Variants in PIEZO2 observed in about 807,000 individuals in gnomAD.
The protein encoded by PIEZO2 is piezo type mechanosensitive ion channel component 2, also known as piezo-type mechanosensitive ion channel component 2.
Under a neutral mutation model 337.3 loss-of-function variants are expected in PIEZO2, and 172 were observed. That is an observed-to-expected ratio of 0.51 (90% CI 0.45 to 0.58). The LOEUF (loss-of-function observed/expected upper bound fraction) is 0.58, where lower values mean the gene tolerates loss of function less well. Among genes scored for constraint, PIEZO2 ranks in the 20% least tolerant of loss-of-function variants. The pLI, the probability that PIEZO2 is intolerant of heterozygous loss-of-function variation, is 0.00. For missense variants in PIEZO2, 3,028 were observed against 3,391.3 expected (o/e 0.89, Z 2.66); for synonymous variants, 1,251 against 1,228.5 (o/e 1.02, Z -0.38).
intron 2 of PIEZO2, among the ~76,000 whole-genome samples, chr18:11,029,551 A>G (rs568050629): frequency 1.3e-5 from 2 of 152,224 alleles, no homozygotes; most frequent in South Asian, 4.1e-4. Context: ...CTATTCTCCT[A>G]CTTAAAGTCT....
Position 10,795,351 on chromosome 18 carries a change from A to ATTTTATTTTATTATTTTATT in PIEZO2, c.1528-350_1528-349insAATAAAATAATAAAATAAAA, listed in dbSNP as rs1555648418. 1.8e-3 allele frequency among the ~76,000 whole-genome samples: 37 copies of ATTTTATTTTATTATTTTATT among 20,436 alleles called. No individual in the cohort carries two copies. The highest frequency in any genetic ancestry group is 4.8e-3 in the African/African-American group (34 of 7,068). The allele number at this position is 20,436 out of a possible 152,430, so 13.4% of individuals were successfully genotyped here. On this transcript the variant is annotated intron_variant, in intron 12 of 55. Transcript: ENST00000674853. The surrounding 1 kb of genome is among the most constrained non-coding windows in gnomAD (Gnocchi z 4.4). ...ATTTTATTTTATTTTATTTTATTTT[A>ATTTTATTTTATTATTTTATT]TTATTTTATTTTATTTTATTTTATT...
chr18:11,143,639 A>ACACACACACT lies in PIEZO2; in HGVS notation c.64+4885_64+4886insAGTGTGTGTG, dbSNP rs1473731967. On this transcript the variant is annotated intron_variant, in intron 1 of 55. Coordinates refer to ENST00000674853, the MANE Select transcript of PIEZO2 (RefSeq NM_001378183.1). This position sits in a 1 kb window ranked among gnomAD's most constrained non-coding sequence, Gnocchi z 4.9. Reference sequence around the variant, plus strand: ...CACACACACACACACACACACACACACTCTCTCTCTCTCTCTCTCTCTCTC... The same window carrying ACACACACACT: ...CACACACACACACACACACACACACACACACACACTCTCTCTCTCTCTCTCTCTCTCTCTC... Among the ~76,000 whole-genome samples, 1 of 92,804 alleles carries ACACACACACT rather than the reference A, an allele frequency of 1.1e-5. No homozygotes were observed. Among genetic ancestry groups the ACACACACACT allele is most frequent in the African/African-American group, 5.3e-5 (1 of 18,758 alleles). 60.9% of individuals were successfully genotyped at this position (92,804 alleles called of 152,430 possible). A position where few individuals can be genotyped will look rare whatever the true frequency, so the allele number is the denominator to read the frequency against.
Position 10,726,440 on chromosome 18 carries a change from G to C in PIEZO2, c.5029+4967C>G, listed in dbSNP as rs1402709162. 1 of 1,529,886 alleles carries C rather than the reference G, an allele frequency of 6.5e-7. No homozygotes were observed. The highest frequency in any genetic ancestry group is 8.7e-7 in the Non-Finnish European group (1 of 1,145,054). 94.8% of individuals were successfully genotyped at this position (1,529,886 alleles called of 1,614,324 possible). Reference sequence around the variant, plus strand: ...ACGCGGAGGGCCGGCTGCGGTACGGGCTACGGCCGGCGAACCCCACGAGGA... The same window carrying C: ...ACGCGGAGGGCCGGCTGCGGTACGGCCTACGGCCGGCGAACCCCACGAGGA... On this transcript the variant is annotated intron_variant, in intron 36 of 55. Coordinates refer to ENST00000674853, the MANE Select transcript of PIEZO2 (RefSeq NM_001378183.1). The surrounding 1 kb of genome is among the most constrained non-coding windows in gnomAD (Gnocchi z 5.9).
intron 37 of PIEZO2, 28 bp downstream of exon 37, chr18:10,718,172 C>G: frequency 6.6e-7 from 1 of 1,522,610 alleles, no homozygotes; most frequent in Non-Finnish European, 8.8e-7. Context: ...AAAGTTCCCA[C>G]AGCTCATATT....
intron 2 of PIEZO2, among the ~76,000 whole-genome samples, chr18:11,052,487 A>C (rs2037566084): frequency 6.6e-6 from 1 of 152,202 alleles, no homozygotes; most frequent in African/African-American, 2.4e-5. Context: ...ATAAGGAGTC[A>C]CCTTTGAACC....
At chr18:10,844,705 C>T (rs903353619) in intron 7 of PIEZO2, among the ~76,000 whole-genome samples, 1 of 149,358 alleles carries the variant, frequency 6.7e-6, no homozygotes, top group Non-Finnish European at 1.5e-5. Context: ...AGGAGAATGG[C>T]GTGAACCTGG....
At chr18:10,958,742 C>T (rs1052627311) in intron 3 of PIEZO2, among the ~76,000 whole-genome samples, 5 of 152,082 alleles carry the variant, frequency 3.3e-5, no homozygotes, top group African/African-American at 9.7e-5. Flanking sequence ...GCTACTTTTC[C>T]CAGAAATGCA....
At position 11,048,151 on chromosome 18, in the gene PIEZO2, G is replaced by A. The variant is rs539686019; in HGVS notation, c.160+17976C>T. Among the ~76,000 whole-genome samples, 1 of 152,274 alleles carries A rather than the reference G, an allele frequency of 6.6e-6. No individual in the cohort carries two copies. The highest frequency in any genetic ancestry group is 2.1e-4 in the South Asian group (1 of 4,834). On this transcript the variant is annotated intron_variant, in intron 2 of 55. Coordinates refer to ENST00000674853, the MANE Select transcript of PIEZO2 (RefSeq NM_001378183.1). This position sits in a 1 kb window ranked among gnomAD's most constrained non-coding sequence, Gnocchi z 4.5. ...TGAAAGCCCCTGCTCCTGACTGCCC[G>A]AGGAGACTATTAGTGACTTTCCCCA...
chr18:11,066,562 C>T (rs989504736), intron 1 of PIEZO2, among the ~76,000 whole-genome samples: 1 of 152,158 alleles, frequency 6.6e-6, no homozygotes, highest in Non-Finnish European at 1.5e-5. Context: ...ACACCAAACA[C>T]ATAAAATGTT....
At position 10,692,927 on chromosome 18, in the gene PIEZO2, G is replaced by A. The variant is rs142201874; in HGVS notation, c.7191-1544C>T. 9.7e-3 allele frequency among the ~76,000 whole-genome samples: 1,483 copies of A among 152,188 alleles called. 19 individuals carry two copies. Among genetic ancestry groups the A allele is most frequent in the African/African-American group, 0.033 (1,377 of 41,502 alleles). ...CTTGCTGGGAATTTTGATGTGCACC[G>A]TGGTCAATCTATAGATCAATTTGGG... is the stretch of plus-strand genomic sequence containing the variant. On this transcript the variant is annotated intron_variant, in intron 47 of 55. Transcript: ENST00000674853.
In PIEZO2 at chr18:10,814,237, A is replaced by G. The variant is rs141862226; in HGVS notation, c.918-6963T>C. Among the ~76,000 whole-genome samples the G allele has an allele frequency of 4.6e-3, 692 of 152,078 alleles. 1 individual carries two copies. The highest frequency in any genetic ancestry group is 0.01 in the Middle Eastern group (3 of 294). On this transcript the variant is annotated intron_variant, in intron 7 of 55. Coordinates refer to ENST00000674853, the MANE Select transcript of PIEZO2 (RefSeq NM_001378183.1). ...GCCCGCCTTGGCCTCCCAAAGTGCT[A>G]GGATTACAGGCATGAGCCACCGTGC...
chr18:11,029,500 C>A (rs1194567087), intron 2 of PIEZO2, among the ~76,000 whole-genome samples: 2 of 152,198 alleles, frequency 1.3e-5, no homozygotes, highest in Non-Finnish European at 2.9e-5. Flanking sequence ...TCCTGCTACT[C>A]AGGCTCAGAT....
Position 10,931,697 on chromosome 18 carries a change from G to GGTGTGTGTGT in PIEZO2, c.287-20479_287-20470dup, listed in dbSNP as rs369138997. Among the ~76,000 whole-genome samples, 358 of 143,522 alleles carry GGTGTGTGTGT rather than the reference G, an allele frequency of 2.5e-3. 3 individuals are homozygous for GGTGTGTGTGT. The highest frequency in any genetic ancestry group is 8.6e-3 in the African/African-American group (342 of 39,978). The allele number at this position is 143,522 out of a possible 152,430, so 94.2% of individuals were successfully genotyped here. On this transcript the variant is annotated intron_variant, in intron 3 of 55. Coordinates refer to ENST00000674853, the MANE Select transcript of PIEZO2 (RefSeq NM_001378183.1). The stretch of plus-strand genomic sequence containing the variant: ...TCATTCTCTCACTCTTTCTCTGTGT[G>GGTGTGTGTGT]GTGTGTGTGTGTGTGTGAGAGAGAG...
At chr18:10,737,314 C>G (rs1267656589) in intron 33 of PIEZO2, among the ~76,000 whole-genome samples, 1 of 121,024 alleles carries the variant, frequency 8.3e-6, no homozygotes, top group Non-Finnish European at 1.7e-5. Flanking sequence ...AACACGCACA[C>G]ACTGCCATGA....
rs996281404 is a variant in PIEZO2, at chr18:11,110,705, G to A, written c.64+37820C>T. Among the ~76,000 whole-genome samples, 4 of 70,184 alleles carry A rather than the reference G, an allele frequency of 5.7e-5. No individual in the cohort carries two copies. The highest frequency in any genetic ancestry group is 9.2e-5 in the Non-Finnish European group (3 of 32,692). 46.0% of individuals were successfully genotyped at this position (70,184 alleles called of 152,430 possible). A position where few individuals can be genotyped will look rare whatever the true frequency, so the allele number is the denominator to read the frequency against. On this transcript the variant is annotated intron_variant, in intron 1 of 55. Coordinates refer to ENST00000674853, the MANE Select transcript of PIEZO2 (RefSeq NM_001378183.1). This position sits in a 1 kb window ranked among gnomAD's most constrained non-coding sequence, Gnocchi z 4.2. ...CATCCTTTCCGCCCCTCCCCGCCCCGGCCCGCCCGCCCCGGGTCTTGTGCT... is the reference window on the plus strand; with the variant it reads ...CATCCTTTCCGCCCCTCCCCGCCCCAGCCCGCCCGCCCCGGGTCTTGTGCT...
Position 10,867,165 on chromosome 18 carries a change from G to A in PIEZO2, c.492+4088C>T, listed in dbSNP as rs187915113. ...CCATGTTTCAAATGATCATGTCTGT[G>A]TACTTGAAGAAATGGGATCCAGGAA... On this transcript the variant is annotated intron_variant, in intron 5 of 55. Transcript: ENST00000674853. Among the ~76,000 whole-genome samples, 21 of 152,322 alleles carry A rather than the reference G, an allele frequency of 1.4e-4. No individual in the cohort carries two copies. In the East Asian group the frequency reaches 3.1e-3, roughly 22 times the overall value.
chr18:10,776,006 CTTGTA>C (rs1275075649), intron 18 of PIEZO2, among the ~76,000 whole-genome samples: 1 of 152,092 alleles, frequency 6.6e-6, no homozygotes. Flanking sequence ...AGAATTGTAC[CTTGTA>C]TTGTAAAAAA....
intron 3 of PIEZO2, among the ~76,000 whole-genome samples, chr18:10,921,857 A>G (rs1287805466): frequency 6.6e-6 from 1 of 152,114 alleles, no homozygotes; most frequent in Non-Finnish European, 1.5e-5. Context: ...GCCGTCTTCT[A>G]TGGTCGAGAC....
At chr18:11,007,857 A>G (rs1233536090) in intron 2 of PIEZO2, among the ~76,000 whole-genome samples, 3 of 152,196 alleles carry the variant, frequency 2.0e-5, no homozygotes, top group Non-Finnish European at 4.4e-5. Context: ...GCCAAAAGGA[A>G]TGCTAAAAGT....
Sources: allele counts gnomAD v4.1 joint callset (sites outside exome capture counted in the v4.1 genomes callset), GRCh38; gene constraint gnomAD v4.1.1; non-coding constraint Gnocchi (gnomAD v3.1); transcripts MANE v1.5; gene names NCBI Gene and HGNC (gene_info 2026-07-23, HGNC 2026-07-21).